Variants in NSD2 observed in about 807,000 individuals in gnomAD.
NSD2 encodes the protein nuclear receptor binding SET domain protein 2, also known as histone-lysine N-methyltransferase NSD2.
In NSD2, 12 loss-of-function variants were observed where a neutral mutation model predicts 139.0. The observed-to-expected ratio is 0.09, with a 90% CI of 0.06 to 0.14. The LOEUF (loss-of-function observed/expected upper bound fraction) is 0.14. Among genes scored for constraint, NSD2 ranks in the 10% least tolerant of loss-of-function variants. NSD2 has a pLI of 1.00. For synonymous variants in NSD2, 669 were observed against 648.7 expected (o/e 1.03, Z -0.48); for missense variants, 1,155 against 1,745.0 (o/e 0.66, Z 6.02).
chr4:1,899,893 G>T (rs1716930740), intron 1 of NSD2, among the ~76,000 whole-genome samples: 1 of 152,234 alleles, frequency 6.6e-6, no homozygotes, highest in Admixed American at 6.5e-5. Flanking sequence ...TGACCTTACT[G>T]CTGTGTTCTT....
At chr4:1,950,097 T>C (rs1336823883) in intron 9 of NSD2, among the ~76,000 whole-genome samples, 3 of 152,248 alleles carry the variant, frequency 2.0e-5, no homozygotes, top group African/African-American at 4.8e-5. Context: ...TCAACACTTA[T>C]TTACCTAACA....
At chr4:1,911,783 G>A (rs537152501) in intron 3 of NSD2, among the ~76,000 whole-genome samples, 1 of 151,822 alleles carries the variant, frequency 6.6e-6, no homozygotes, top group African/African-American at 2.4e-5. Flanking sequence ...TAGAAAATTC[G>A]GTTATGTTAT....
chr4:1,932,439 CA>C (rs776037394), intron 6 of NSD2, among the ~76,000 whole-genome samples: 5,321 of 65,400 alleles, frequency 0.081, 318 homozygotes, highest in African/African-American at 0.24. Flanking sequence ...AGTCAATCTC[CA>C]AAAAAAAAAA....
At chr4:1,947,872 A>G (rs1161711107) in intron 9 of NSD2, 1 of 1,054,292 alleles carries the variant, frequency 9.5e-7, no homozygotes, top group Non-Finnish European at 1.1e-6. Flanking sequence ...CTCAATGTGT[A>G]TGACGCCACT....
intron 3 of NSD2, among the ~76,000 whole-genome samples, chr4:1,904,931 G>C (rs911139448): frequency 1.3e-5 from 2 of 152,208 alleles, no homozygotes; most frequent in Middle Eastern, 3.2e-3. Context: ...AGGAGTTCGA[G>C]ACTAGCCTGA....
chr4:1,939,921 T>A (rs1722910348), intron 9 of NSD2, 143 bp downstream of exon 9: 1 of 1,514,170 alleles, frequency 6.6e-7, no homozygotes, highest in Admixed American at 2.1e-5. Flanking sequence ...GCCTCTTGGC[T>A]AACTCAGATT....
At position 1,916,931 on chromosome 4, in the gene NSD2, C is replaced by G; in HGVS notation, c.821C>G (p.Ala274Gly). ...VQFFGDAPER[A>G]WIFEKSLVAF... ...TTCTTTGGTGACGCCCCAGAAAGAG[C>G]TTGGATATTTGAGAAGAGCCTCGTA... The change falls in exon 4 of 22, where the codon GCT becomes GGT. Residue 274 changes from alanine to glycine, a missense_variant. Ala to Gly is a moderately conservative substitution (Grantham distance 60). This residue lies in a region of NSD2 where 420 missense variants were observed against 469.0 expected (regional missense o/e 0.90). Coordinates refer to ENST00000508803, the MANE Select transcript of NSD2 (RefSeq NM_001042424.3). The G allele has an allele frequency of 6.2e-7, 1 of 1,614,126 alleles. No homozygotes were observed. The highest frequency in any genetic ancestry group is 8.5e-7 in the Non-Finnish European group (1 of 1,180,022).
intron 5 of NSD2, among the ~76,000 whole-genome samples, chr4:1,919,471 AAAGAACTG>A (rs1719839274): frequency 1.3e-5 from 2 of 152,228 alleles, no homozygotes; most frequent in South Asian, 4.1e-4. Context: ...TAAAGGCTGT[AAAGAACTG>A]AAGGAGTTGG....
chr4:1,939,893 C>T, intron 9 of NSD2, 115 bp downstream of exon 9: 1 of 1,573,068 alleles, frequency 6.4e-7, no homozygotes, highest in East Asian at 2.3e-5. Context: ...TGCTCACTGC[C>T]AGTGCAGATG....
At chr4:1,941,508 C>T (rs1342484432) in intron 9 of NSD2, 1 of 1,044,610 alleles carries the variant, frequency 9.6e-7, no homozygotes, top group Non-Finnish European at 1.2e-6. Flanking sequence ...TTGTCCTGAC[C>T]TTGAGAAGAC....
chr4:1,936,871 TGA>T (rs927840629), intron 7 of NSD2, among the ~76,000 whole-genome samples: 2 of 152,094 alleles, frequency 1.3e-5, no homozygotes, highest in African/African-American at 4.8e-5. Flanking sequence ...TATTTGTAGT[TGA>T]GAGGAGCAGG....
intron 2 of NSD2, among the ~76,000 whole-genome samples, chr4:1,902,376 A>G (rs1367766713): frequency 6.6e-6 from 1 of 152,020 alleles, no homozygotes; most frequent in Non-Finnish European, 1.5e-5. Flanking sequence ...GGTGTGCACC[A>G]CTATATGCCC....
intron 9 of NSD2, among the ~76,000 whole-genome samples, chr4:1,949,152 G>A (rs1723948832): frequency 1.3e-5 from 2 of 152,214 alleles, no homozygotes; most frequent in Non-Finnish European, 1.5e-5. Context: ...TATCTGATGC[G>A]CTTGTTAAAT....
Position 1,900,700 on chromosome 4 carries a change from G to A in NSD2, c.46G>A (p.Val16Ile), listed in dbSNP as rs1350111590. The change falls in exon 2 of 22, where the codon GTA becomes ATA. Residue 16 changes from valine to isoleucine, a missense_variant. By Grantham distance (29) the Val-to-Ile change is conservative. Around this residue, in one of 8 missense-constraint regions of NSD2, gnomAD observed 246 missense variants for 262.8 expected, o/e 0.94. Transcript: ENST00000508803. ...GAGTCCCCTTTCTGTTCAGAGTGTT[G>A]TAAAGTGCATAAAGATGAAGCAGGC... Reference protein sequence around the residue: ...KQSPLSVQSVVKCIKMKQAPE... With the variant: ...KQSPLSVQSVIKCIKMKQAPE... The A allele has an allele frequency of 1.2e-6, 2 of 1,612,620 alleles. No individual in the cohort carries two copies. The highest frequency in any genetic ancestry group is 1.7e-5 in the Admixed American group (1 of 59,854).
At chr4:1,892,201 G>T (rs1174334514) in intron 1 of NSD2, 2 of 152,124 alleles carry the variant, frequency 1.3e-5, no homozygotes, top group African/African-American at 2.4e-5. Context: ...GCCCAGTCTG[G>T]TCTCCAACTC....
chr4:1,960,976 C>A, intron 17 of NSD2, 59 bp from the exon 18 acceptor site: 1 of 1,430,122 alleles, frequency 7.0e-7, no homozygotes, highest in Non-Finnish European at 9.8e-7. Flanking sequence ...GTCTTGAGCC[C>A]CGACACTGAG....
chr4:1,909,582 G>T (rs1445040656), intron 3 of NSD2, among the ~76,000 whole-genome samples: 1 of 152,066 alleles, frequency 6.6e-6, no homozygotes, highest in African/African-American at 2.4e-5. Context: ...GGAGTGGGCT[G>T]AGCATGGGTC....
chr4:1,877,586 G>A (rs1291043963), intron 1 of NSD2, among the ~76,000 whole-genome samples: 1 of 152,112 alleles, frequency 6.6e-6, no homozygotes, highest in African/African-American at 2.4e-5. Context: ...CCTTCTGCCA[G>A]GTCTCAGCTT....
chr4:1,957,120 A>G (rs1724898729), intron 15 of NSD2, among the ~76,000 whole-genome samples: 1 of 152,174 alleles, frequency 6.6e-6, no homozygotes, highest in African/African-American at 2.4e-5. Context: ...TGGGGCTGCA[A>G]AAACAGGGCA....
Sources: allele counts gnomAD v4.1 joint callset (sites outside exome capture counted in the v4.1 genomes callset), GRCh38; gene constraint gnomAD v4.1.1; regional missense constraint gnomAD v4.1.1; transcripts MANE v1.5; gene names NCBI Gene and HGNC (gene_info 2026-07-23, HGNC 2026-07-21).